AGBL4: variants seen among roughly 807,000 people sequenced by gnomAD.
The protein encoded by AGBL4 is cytosolic carboxypeptidase 6.
AGBL4 carries 58 observed loss-of-function variants against 66.4 expected under a neutral mutation model. The ratio of observed to expected loss-of-function variants is 0.87; its 90% CI spans 0.71 to 1.09. The LOEUF is 1.09. Ranked by LOEUF, AGBL4 falls within the 50% of genes least tolerant of loss-of-function variation. The probability of loss-of-function intolerance (pLI) is 0.00; values close to 1 mark genes in which losing one functional copy is unlikely to be tolerated. For synonymous variants in AGBL4, 234 were observed against 222.9 expected, an observed-to-expected ratio of 1.05 and a Z score of -0.44; for missense variants, 579 against 631.0, an observed-to-expected ratio of 0.92 and a Z score of 0.88.
chr1:48,603,528 G>A (rs751103429), intron 9 of AGBL4, among the ~76,000 whole-genome samples: 7 of 152,070 alleles, frequency 4.6e-5, no homozygotes, highest in African/African-American at 1.4e-4. Context: ...GACACAGAGG[G>A]GGGTGAGGAA....
intron 1 of AGBL4, among the ~76,000 whole-genome samples, chr1:50,012,929 T>A (rs971468360): frequency 2.6e-5 from 4 of 152,198 alleles, no homozygotes; most frequent in African/African-American, 9.6e-5. Flanking sequence ...AAACATGCCC[T>A]GGTTTGTTTC....
chr1:48,684,583 A>G (rs996157010), intron 6 of AGBL4, among the ~76,000 whole-genome samples: 1 of 152,216 alleles, frequency 6.6e-6, no homozygotes, highest in Non-Finnish European at 1.5e-5. Flanking sequence ...GAAGCCCGGA[A>G]GAAGGAGTCA....
intron 1 of AGBL4, among the ~76,000 whole-genome samples, chr1:50,019,891 T>C (rs1262390286): frequency 6.6e-6 from 1 of 152,024 alleles, no homozygotes; most frequent in East Asian, 1.9e-4. Context: ...ATCAAATTTA[T>C]AGGGAAAAAG....
intron 11 of AGBL4, among the ~76,000 whole-genome samples, chr1:48,575,887 C>T (rs1422935217): frequency 6.6e-6 from 1 of 152,192 alleles, no homozygotes; most frequent in Non-Finnish European, 1.5e-5. Flanking sequence ...TCCCCAGAAA[C>T]CAGCATAGGG....
intron 3 of AGBL4, among the ~76,000 whole-genome samples, chr1:49,658,967 C>A (rs1646212597): frequency 1.3e-5 from 2 of 151,780 alleles, no homozygotes; most frequent in African/African-American, 2.4e-5. Flanking sequence ...ATGTAACAAA[C>A]CTGCATGCTG....
chr1:49,238,858 T>C (rs1433439592), intron 4 of AGBL4, among the ~76,000 whole-genome samples: 1 of 152,186 alleles, frequency 6.6e-6, no homozygotes, highest in Non-Finnish European at 1.5e-5. Context: ...ATAACTATTT[T>C]GGCATACATG....
chr1:49,978,928 T>A (rs1160350891), intron 1 of AGBL4, among the ~76,000 whole-genome samples: 1 of 152,192 alleles, frequency 6.6e-6, no homozygotes, highest in Non-Finnish European at 1.5e-5. Context: ...CAACATGGGT[T>A]TGGACTGTGT....
chr1:49,601,575 C>T (rs1644959744), intron 3 of AGBL4, among the ~76,000 whole-genome samples: 2 of 152,058 alleles, frequency 1.3e-5, no homozygotes, highest in African/African-American at 2.4e-5. Flanking sequence ...TGATCTGTGA[C>T]AAACATGACA....
In AGBL4 at chr1:49,510,508, A is replaced by G. The variant is rs1254397442; in HGVS notation, c.282+186805T>C. Reference sequence around the variant, plus strand: ...GCCCTTTGTCAGATGAGTAGGTTGCAAAAATTTTCTCCCATGTTGTAGGTT... The same window carrying G: ...GCCCTTTGTCAGATGAGTAGGTTGCGAAAATTTTCTCCCATGTTGTAGGTT... On this transcript the variant is annotated intron_variant, in intron 3 of 13. Transcript: ENST00000371839. Among the ~76,000 whole-genome samples, 38 of 149,452 alleles carry G rather than the reference A, an allele frequency of 2.5e-4. No homozygotes were observed. The South Asian group carries it at 4.1e-3, about 16-fold the overall frequency.
intron 1 of AGBL4, among the ~76,000 whole-genome samples, chr1:50,001,934 CTT>C (rs990286802): frequency 6.6e-6 from 1 of 152,098 alleles, no homozygotes; most frequent in African/African-American, 2.4e-5. Flanking sequence ...CTAAGAGAAA[CTT>C]AATATAGCAT....
intron 1 of AGBL4, among the ~76,000 whole-genome samples, chr1:49,982,239 G>C (rs936275252): frequency 2.6e-5 from 4 of 152,238 alleles, no homozygotes; most frequent in Non-Finnish European, 5.9e-5. Context: ...GCCAGGTGCA[G>C]TGGGGGAGAT....
At chr1:49,979,417 C>T (rs374508126) in intron 1 of AGBL4, among the ~76,000 whole-genome samples, 1 of 151,182 alleles carries the variant, frequency 6.6e-6, no homozygotes, top group Admixed American at 6.6e-5. Context: ...GCCGAGATTG[C>T]GCCACTGCAG....
intron 4 of AGBL4, among the ~76,000 whole-genome samples, chr1:49,074,293 T>TTCCTC (rs1644668585): frequency 6.6e-6 from 1 of 152,130 alleles, no homozygotes; most frequent in Admixed American, 6.5e-5. Context: ...CCCAGTACAG[T>TTCCTC]CTCTCAAGGC....
intron 1 of AGBL4, among the ~76,000 whole-genome samples, chr1:50,022,614 CCACACACACACA>C (rs10588611): frequency 0.024 from 3,329 of 141,262 alleles, 43 homozygotes; most frequent in South Asian, 0.073. Flanking sequence ...TGTACCATAA[CCACACACACACA>C]CACACACACA....
chr1:48,954,280 AAC>A (rs1277175869), intron 5 of AGBL4, among the ~76,000 whole-genome samples: 2 of 152,234 alleles, frequency 1.3e-5, no homozygotes, highest in African/African-American at 4.8e-5. Context: ...CCCAGAAATA[AAC>A]CACATCATAG....
chr1:49,426,936 T>C (rs1196767505), intron 3 of AGBL4, among the ~76,000 whole-genome samples: 1 of 152,142 alleles, frequency 6.6e-6, no homozygotes, highest in Non-Finnish European at 1.5e-5. Context: ...ATATACCAAA[T>C]CTGAAGAATA....
intron 2 of AGBL4, among the ~76,000 whole-genome samples, chr1:49,754,962 T>A (rs1481247923): frequency 1.3e-5 from 2 of 152,212 alleles, no homozygotes; most frequent in Non-Finnish European, 2.9e-5. Flanking sequence ...TTTTTGCTTT[T>A]ATGATGTTTA....
rs571804719 is a variant in AGBL4 at position 49,836,020 on chromosome 1, T to C, written c.157+15376A>G. ...CTGGCTGCCCTTAACATTTTTTCCT[T>C]TATTTCAACCTTAGTAAATCTGACG... On this transcript the variant is annotated intron_variant, in intron 2 of 13. Coordinates refer to ENST00000371839, the MANE Select transcript of AGBL4 (RefSeq NM_032785.4). 4.0e-4 allele frequency among the ~76,000 whole-genome samples: 61 copies of C among 152,296 alleles called. 1 individual carries two copies. The South Asian group carries it at 7.7e-3, about 19-fold the overall frequency.
intron 4 of AGBL4, among the ~76,000 whole-genome samples, chr1:49,243,140 A>G (rs556099638): frequency 1.3e-4 from 20 of 151,750 alleles, no homozygotes; most frequent in African/African-American, 4.8e-4. Flanking sequence ...TTTATCCTAA[A>G]GTAAGAATTT....
Sources: allele counts gnomAD v4.1 joint callset (sites outside exome capture counted in the v4.1 genomes callset), GRCh38; gene constraint gnomAD v4.1.1; transcripts MANE v1.5; gene names NCBI Gene and HGNC (gene_info 2026-07-23, HGNC 2026-07-21).